LMNTD1: variants seen among roughly 807,000 people sequenced by gnomAD.
LMNTD1 encodes lamin tail domain-containing protein 1.
Under a neutral mutation model 50.9 loss-of-function variants are expected in LMNTD1, and 35 were observed. The observed-to-expected ratio is 0.69, with a 90% CI of 0.53 to 0.91. The LOEUF is 0.91. Ranked by LOEUF, LMNTD1 falls within the 40% of genes least tolerant of loss-of-function variation. LMNTD1 has a pLI of 0.00. For synonymous variants in LMNTD1, 153 were observed against 161.9 expected, an observed-to-expected ratio of 0.94 and a Z score of 0.42; for missense variants, 470 against 475.5, an observed-to-expected ratio of 0.99 and a Z score of 0.11.
At chr12:25,507,888 T>C (rs1268867250) in intron 8 of LMNTD1, among the ~76,000 whole-genome samples, 7 of 152,222 alleles carry the variant, frequency 4.6e-5, no homozygotes, top group Non-Finnish European at 1.5e-5. Flanking sequence ...ACAAACTATA[T>C]TAAAATTAAT....
chr12:25,515,783 GAC>G lies in LMNTD1; in HGVS notation c.1189+3010_1189+3011del, dbSNP rs374553710. ...AGGCTCCTCTGTAGCATATTTGAGA[GAC>G]ACAGTTTAAAACAAGGCAACCATTT... On this transcript the variant is annotated intron_variant, in intron 8 of 9. Transcript: ENST00000458174. Among the ~76,000 whole-genome samples the G allele has an allele frequency of 3.1e-3, 478 of 152,174 alleles. 4 individuals are homozygous for G. Among genetic ancestry groups the G allele is most frequent in the African/African-American group, 0.011 (456 of 41,560 alleles).
At chr12:25,496,772 C>T (rs1036331489) in intron 9 of LMNTD1, among the ~76,000 whole-genome samples, 3 of 152,122 alleles carry the variant, frequency 2.0e-5, no homozygotes, top group Non-Finnish European at 2.9e-5. Context: ...GCATTAAGTA[C>T]ATTCACAATG....
At chr12:25,496,056 GA>G (rs1939053060) in intron 9 of LMNTD1, among the ~76,000 whole-genome samples, 1 of 152,126 alleles carries the variant, frequency 6.6e-6, no homozygotes, top group Non-Finnish European at 1.5e-5. Flanking sequence ...CAAAAATAAG[GA>G]AAACCCTTTG....
chr12:25,561,411 T>C (rs1480378492), intron 1 of LMNTD1, among the ~76,000 whole-genome samples: 1 of 152,238 alleles, frequency 6.6e-6, no homozygotes, highest in East Asian at 1.9e-4. Context: ...CCAGTAGTCA[T>C]TCAAGAGCAG....
intron 9 of LMNTD1, among the ~76,000 whole-genome samples, chr12:25,499,505 G>C (rs1939258656): frequency 6.6e-6 from 1 of 152,068 alleles, no homozygotes; most frequent in Admixed American, 6.6e-5. Flanking sequence ...TGCCTAAGCA[G>C]CTTAGCTATT....
At chr12:25,544,708 A>G (rs1271126557) in intron 4 of LMNTD1, among the ~76,000 whole-genome samples, 2 of 151,340 alleles carry the variant, frequency 1.3e-5, no homozygotes, top group African/African-American at 4.8e-5. Context: ...TTTTTTGTGA[A>G]TCTATTATAG....
chr12:25,606,143 T>C (rs1202630034), intron 1 of LMNTD1, among the ~76,000 whole-genome samples: 1 of 152,208 alleles, frequency 6.6e-6, no homozygotes, highest in Non-Finnish European at 1.5e-5. Flanking sequence ...TTGTCTGTTA[T>C]TGGTGTATAA....
upstream of LMNTD1, among the ~76,000 whole-genome samples, chr12:25,554,257 C>T (rs905762704): frequency 6.6e-6 from 1 of 152,192 alleles, no homozygotes; most frequent in African/African-American, 2.4e-5. Flanking sequence ...CCTACCTGTA[C>T]CAGTCTGGAT....
intron 1 of LMNTD1, among the ~76,000 whole-genome samples, chr12:25,632,735 A>G (rs1361385821): frequency 6.6e-6 from 1 of 152,206 alleles, no homozygotes; most frequent in African/African-American, 2.4e-5. Context: ...ACAAAAATAC[A>G]AGTTAAAAAG....
chr12:25,633,952 GAA>G (rs1324507215), intron 1 of LMNTD1, among the ~76,000 whole-genome samples: 2 of 152,226 alleles, frequency 1.3e-5, no homozygotes, highest in East Asian at 3.9e-4. Flanking sequence ...ACCAAGAAAA[GAA>G]GAGAGAAAAA....
intron 6 of LMNTD1, 64 bp from the exon 7 acceptor site, chr12:25,520,139 G>GATAGAT (rs1555213272): frequency 5.3e-5 from 8 of 149,920 alleles, no homozygotes; most frequent in Non-Finnish European, 8.1e-5. Context: ...GCTGTTATGA[G>GATAGAT]ATATACATAT....
intron 1 of LMNTD1, among the ~76,000 whole-genome samples, chr12:25,643,283 GC>G (rs1210169590): frequency 2.6e-5 from 4 of 152,182 alleles, no homozygotes; most frequent in Non-Finnish European, 4.4e-5. Flanking sequence ...ACAAGAAGGA[GC>G]AAGACATGCA....
At chr12:25,596,664 G>C (rs895054888) in intron 1 of LMNTD1, among the ~76,000 whole-genome samples, 2 of 152,004 alleles carry the variant, frequency 1.3e-5, no homozygotes, top group African/African-American at 4.8e-5. Flanking sequence ...AAATGCTAAA[G>C]GGAGTACTTC....
At chr12:25,480,901 A>C (rs1334849988) in intron 9 of LMNTD1, among the ~76,000 whole-genome samples, 2 of 152,194 alleles carry the variant, frequency 1.3e-5, no homozygotes, top group African/African-American at 2.4e-5. Flanking sequence ...CTTGCTGTCC[A>C]AATAACTGAG....
intron 1 of LMNTD1, among the ~76,000 whole-genome samples, chr12:25,588,825 TACTC>T (rs1038058964): frequency 1.3e-4 from 20 of 152,090 alleles, no homozygotes; most frequent in Non-Finnish European, 2.9e-4. Flanking sequence ...AAAAGTCAAA[TACTC>T]AGAAGAAAAT....
At chr12:25,622,463 G>GCCCCCCCCCCCC (rs199777995) in intron 1 of LMNTD1, among the ~76,000 whole-genome samples, 3 of 111,154 alleles carry the variant, frequency 2.7e-5, no homozygotes, top group Non-Finnish European at 4.0e-5. Context: ...GAGTTTGTGA[G>GCCCCCCCCCCCC]CCCGCCCCCC....
At chr12:25,523,973 A>G (rs1399983857) in intron 6 of LMNTD1, among the ~76,000 whole-genome samples, 1 of 152,196 alleles carries the variant, frequency 6.6e-6, no homozygotes, top group Admixed American at 6.5e-5. Context: ...CAAAAGTAGT[A>G]TGAGAAGTAG....
chr12:25,636,354 A>G (rs149764886), intron 1 of LMNTD1, among the ~76,000 whole-genome samples: 2,749 of 152,334 alleles, frequency 0.018, 80 homozygotes, highest in African/African-American at 0.062. Context: ...AAAAGAAGAT[A>G]TACAAATGAC....
intron 9 of LMNTD1, among the ~76,000 whole-genome samples, chr12:25,479,774 CT>C (rs2135903043): frequency 6.6e-6 from 1 of 152,264 alleles, no homozygotes; most frequent in African/African-American, 2.4e-5. Flanking sequence ...AATCGCTGCC[CT>C]TTTCATGATA....
Sources: allele counts gnomAD v4.1 joint callset (sites outside exome capture counted in the v4.1 genomes callset), GRCh38; gene constraint gnomAD v4.1.1; transcripts MANE v1.5; gene names NCBI Gene and HGNC (gene_info 2026-07-23, HGNC 2026-07-21).